The following MIA2 variants were observed in gnomAD, a reference collection of about 807,000 sequenced individuals.
MIA2 encodes melanoma inhibitory activity protein 2.
A neutral mutation model predicts 167.8 loss-of-function variants in MIA2; 127 were observed. That is an observed-to-expected ratio of 0.76 (90% CI 0.66 to 0.88). The LOEUF is 0.88. Ranked by LOEUF, MIA2 falls within the 40% of genes least tolerant of loss-of-function variation. The pLI, the probability that MIA2 is intolerant of heterozygous loss-of-function variation, is 0.00. For synonymous variants in MIA2, 552 were observed against 541.9 expected (o/e 1.02, Z -0.26); for missense variants, 1,690 against 1,624.7 (o/e 1.04, Z -0.69).
At position 39,294,036 on chromosome 14, in the gene MIA2, G is replaced by A. The variant is rs770302342; in HGVS notation, c.2356G>A (p.Asp786Asn). The change falls in exon 12 of 29, where the codon GAT becomes AAT. Residue 786 changes from aspartate to asparagine, a missense_variant. Physicochemically the swap from Asp to Asn is conservative, Grantham distance 23. Coordinates refer to ENST00000640607, the MANE Select transcript of MIA2 (RefSeq NM_001329214.4). The part of the protein sequence containing the change: ...DISKRIQSLE[D>N]ESKSLKSQVA... ...TTCAAAAAGGATACAGTCTCTAGAA[G>A]ATGAGTCAAAATCCCTCAAATCACA... 1.2e-6 allele frequency: 2 copies of A among 1,612,370 alleles called. No homozygotes were observed. The highest frequency in any genetic ancestry group is 1.7e-5 in the Admixed American group (1 of 59,868).
chr14:39,368,680 C>CT (rs35895928), intron 23 of MIA2, among the ~76,000 whole-genome samples: 37 of 102,590 alleles, frequency 3.6e-4, no homozygotes, highest in African/African-American at 1.0e-3. Context: ...TTTTTCTTTT[C>CT]TTTTTTTTGT....
chr14:39,372,984 G>A (rs2074977235), intron 23 of MIA2, among the ~76,000 whole-genome samples: 1 of 152,050 alleles, frequency 6.6e-6, no homozygotes, highest in East Asian at 1.9e-4. Context: ...AAGGGGATTG[G>A]GTTTAGAGAT....
chr14:39,308,222 A>G (rs953488985), intron 17 of MIA2, among the ~76,000 whole-genome samples: 5 of 152,168 alleles, frequency 3.3e-5, no homozygotes, highest in Non-Finnish European at 5.9e-5. Context: ...GAATACCTAT[A>G]TTGAAATATC....
At position 39,375,561 on chromosome 14, in the gene MIA2, G is replaced by A. The variant is rs78470902; in HGVS notation, c.2249-11324G>A. On this transcript the variant is annotated intron_variant, in intron 23 of 23. Transcript: ENST00000341502. Reference sequence around the variant, plus strand: ...AAATGCAAAAAATTAGTCAGACATCGTGGCGCATGTCTGTAATCCCAGCTA... The same window carrying A: ...AAATGCAAAAAATTAGTCAGACATCATGGCGCATGTCTGTAATCCCAGCTA... 8.6e-3 allele frequency among the ~76,000 whole-genome samples: 1,305 copies of A among 152,232 alleles called. 15 individuals are homozygous for A. The highest frequency in any genetic ancestry group is 0.029 in the African/African-American group (1,207 of 41,526).
chr14:39,241,116 A>G (rs1236937756), intron 3 of MIA2, among the ~76,000 whole-genome samples: 1 of 152,348 alleles, frequency 6.6e-6, no homozygotes, highest in East Asian at 1.9e-4. Flanking sequence ...TTGTCTTACT[A>G]AGATAAAAGT....
intron 22 of MIA2, 127 bp from the exon 23 acceptor site, chr14:39,319,082 T>C (rs1354825357): frequency 4.4e-6 from 2 of 453,862 alleles, no homozygotes; most frequent in Non-Finnish European, 7.9e-6. Context: ...AGAATAATTT[T>C]AGAGGATCTG....
At chr14:39,272,728 A>G (rs1166140621) in intron 6 of MIA2, among the ~76,000 whole-genome samples, 2 of 152,170 alleles carry the variant, frequency 1.3e-5, no homozygotes, top group African/African-American at 2.4e-5. Flanking sequence ...GCACCACTGC[A>G]CTCCAGCCTG....
At chr14:39,335,602 T>C (rs2070196385) in intron 25 of MIA2, among the ~76,000 whole-genome samples, 1 of 152,208 alleles carries the variant, frequency 6.6e-6, no homozygotes. Context: ...TAAAAAATAT[T>C]TTAATAATGT....
rs1424715389 is a variant in MIA2 at position 39,297,670 on chromosome 14, T to TGTGC, written c.2497-2191_2497-2190insCGTG. ...GAATGACCCTGTAGGGTTTTGCGTG[T>TGTGC]GTGTGTGTGTGTGTGTGTGTGTGTG... On this transcript the variant is annotated intron_variant, in intron 13 of 28. Transcript: ENST00000640607. 2.9e-3 allele frequency among the ~76,000 whole-genome samples: 429 copies of TGTGC among 148,314 alleles called. 3 individuals carry two copies. Among genetic ancestry groups the TGTGC allele is most frequent in the African/African-American group, 9.7e-3 (394 of 40,658 alleles).
At chr14:39,306,671 A>G (rs1292584576) in intron 17 of MIA2, among the ~76,000 whole-genome samples, 1 of 152,230 alleles carries the variant, frequency 6.6e-6, no homozygotes, top group Non-Finnish European at 1.5e-5. Context: ...ACATGTAATT[A>G]CTAAAATTTT....
intron 13 of MIA2, among the ~76,000 whole-genome samples, chr14:39,296,573 G>A (rs913979176): frequency 1.1e-4 from 16 of 149,958 alleles, no homozygotes; most frequent in East Asian, 7.8e-4. Flanking sequence ...GAGCCACCGC[G>A]CCTGGCCACG....
In MIA2 at chr14:39,249,581, C is replaced by T. The variant is rs144718464; in HGVS notation, c.1567+1440C>T. Reference sequence around the variant, plus strand: ...AGTTTTCAACTTTCTCCCTCAAGTCCCTGAATTCTGAGAGTTCAACAGTGG... The same window carrying T: ...AGTTTTCAACTTTCTCCCTCAAGTCTCTGAATTCTGAGAGTTCAACAGTGG... On this transcript the variant is annotated intron_variant, in intron 4 of 28. Coordinates refer to ENST00000640607, the MANE Select transcript of MIA2 (RefSeq NM_001329214.4). Among the ~76,000 whole-genome samples the T allele has an allele frequency of 1.6e-3, 248 of 151,878 alleles. 2 individuals are homozygous for T. Among genetic ancestry groups the T allele is most frequent in the Middle Eastern group, 6.8e-3 (2 of 294 alleles).
At chr14:39,375,590 A>G (rs1329075704) in intron 23 of MIA2, among the ~76,000 whole-genome samples, 1 of 152,190 alleles carries the variant, frequency 6.6e-6, no homozygotes, top group Non-Finnish European at 1.5e-5. Flanking sequence ...CCAGCTACTC[A>G]GGAGGCCAAG....
chr14:39,238,709 C>T (rs561393506), intron 2 of MIA2, among the ~76,000 whole-genome samples: 71 of 145,008 alleles, frequency 4.9e-4, no homozygotes, highest in African/African-American at 1.8e-3. Context: ...GTGGGAGGAT[C>T]GCTTGAGCCC....
chr14:39,360,165 G>C (rs1441059046), intron 23 of MIA2, among the ~76,000 whole-genome samples: 1 of 152,122 alleles, frequency 6.6e-6, no homozygotes. Flanking sequence ...ATCTGGGCAT[G>C]GTGGCGTGTA....
intron 1 of MIA2, among the ~76,000 whole-genome samples, chr14:39,234,541 G>T (rs1425556880): frequency 6.6e-6 from 1 of 151,300 alleles, no homozygotes; most frequent in Admixed American, 6.6e-5. Flanking sequence ...TCAGAAGGCT[G>T]CCCATTAAAA....
intron 24 of MIA2, among the ~76,000 whole-genome samples, chr14:39,324,463 A>C (rs569327188): frequency 4.1e-4 from 62 of 152,372 alleles, no homozygotes; most frequent in African/African-American, 1.4e-3. Context: ...AAGGGAGTAG[A>C]TGGAAAATTT....
intron 6 of MIA2, chr14:39,265,496 G>T (rs2055455372): frequency 1.7e-6 from 2 of 1,168,906 alleles, no homozygotes; most frequent in East Asian, 2.5e-5. Context: ...AAGCTTTACT[G>T]TGTTTTTGCT....
At chr14:39,325,663 G>A (rs2067390789) in intron 24 of MIA2, among the ~76,000 whole-genome samples, 1 of 149,828 alleles carries the variant, frequency 6.7e-6, no homozygotes, top group South Asian at 2.1e-4. Context: ...CACCGCGCCT[G>A]GCCAAAATTT....
Sources: gnomAD v4.1 joint callset for allele counts (sites outside exome capture counted in the v4.1 genomes callset) on GRCh38, gnomAD v4.1.1 for gene constraint, MANE v1.5 for transcripts, NCBI Gene and HGNC (gene_info 2026-07-23, HGNC 2026-07-21) for gene names.